COL4A3: variants seen among roughly 807,000 people sequenced by gnomAD.
The protein encoded by COL4A3 is collagen alpha-3(IV) chain.
COL4A3 carries 135 observed loss-of-function variants against 217.4 expected under a neutral mutation model. That is an observed-to-expected ratio of 0.62 (90% CI 0.54 to 0.72). The LOEUF (loss-of-function observed/expected upper bound fraction) is 0.72. COL4A3 is among the 30% of genes least tolerant of loss of function. The pLI, the probability that COL4A3 is intolerant of heterozygous loss-of-function variation, is 0.00. For synonymous variants in COL4A3, 690 were observed against 736.3 expected (o/e 0.94, Z 1.02); for missense variants, 1,868 against 2,119.9 (o/e 0.88, Z 2.33).
chr2:227,246,444 A>C (rs1298068162), intron 6 of COL4A3, among the ~76,000 whole-genome samples: 4 of 152,218 alleles, frequency 2.6e-5, no homozygotes, highest in African/African-American at 9.7e-5. Flanking sequence ...GCAATTAAAA[A>C]GTTCTTGGCG....
chr2:227,233,476 G>T (rs1169386577), intron 1 of COL4A3, among the ~76,000 whole-genome samples: 1 of 152,140 alleles, frequency 6.6e-6, no homozygotes, highest in African/African-American at 2.4e-5. Context: ...TACAGAATTT[G>T]TGAACATCTA....
chr2:227,268,883 T>C (rs914650932), intron 23 of COL4A3: 3 of 152,218 alleles, frequency 2.0e-5, no homozygotes, highest in Non-Finnish European at 4.4e-5. Context: ...CCTCTTTGGC[T>C]CAAGGGGAGC....
At position 227,269,895 on chromosome 2, in the gene COL4A3, T is replaced by C. The variant is rs369323933; in HGVS notation, c.1505-15T>C. 16 of 1,612,610 alleles carry C rather than the reference T, an allele frequency of 9.9e-6. No homozygotes were observed. Among genetic ancestry groups the C allele is most frequent in the Non-Finnish European group, 1.2e-5 (14 of 1,178,902 alleles). ...CGTTCAATGAGGAGTTAGTTAATAATTCGTTGATTTGCAGGAAGACAAGGC... is the reference window on the plus strand; with the variant it reads ...CGTTCAATGAGGAGTTAGTTAATAACTCGTTGATTTGCAGGAAGACAAGGC... On this transcript the variant is annotated splice_polypyrimidine_tract_variant and intron_variant, in intron 23 of 51. Transcript: ENST00000396578.
chr2:227,308,865 A>C, intron 48 of COL4A3, 34 bp from the exon 49 acceptor site: 1 of 1,607,004 alleles, frequency 6.2e-7, no homozygotes, highest in South Asian at 1.1e-5. Context: ...ACTTTAACTT[A>C]CTGAAAGTGA....
At chr2:227,293,468 G>T (rs755839081) in intron 38 of COL4A3, 151 bp downstream of exon 38, 288 of 916,626 alleles carry the variant, frequency 3.1e-4, no homozygotes, top group Non-Finnish European at 4.0e-4. Flanking sequence ...CACACTAAGA[G>T]AATTCATTAA....
intron 50 of COL4A3, among the ~76,000 whole-genome samples, chr2:227,310,293 G>C (rs937062390): frequency 2.0e-5 from 3 of 152,170 alleles, no homozygotes; most frequent in African/African-American, 7.2e-5. Flanking sequence ...TCTTGAGACA[G>C]AATCTCCCTC....
At chr2:227,298,309 G>C (rs565192805) in intron 42 of COL4A3, among the ~76,000 whole-genome samples, 1 of 152,172 alleles carries the variant, frequency 6.6e-6, no homozygotes, top group African/African-American at 2.4e-5. Flanking sequence ...CTGAGATTGC[G>C]CCACTGCACT....
chr2:227,207,740 T>G (rs2067154672), intron 1 of COL4A3, among the ~76,000 whole-genome samples: 1 of 151,714 alleles, frequency 6.6e-6, no homozygotes, highest in Non-Finnish European at 1.5e-5. Context: ...TGAGACAGAG[T>G]TTCACAGCAG....
intron 26 of COL4A3, 71 bp from the exon 27 acceptor site, chr2:227,276,314 C>A (rs1574763737): frequency 1.8e-6 from 2 of 1,116,250 alleles, no homozygotes; most frequent in South Asian, 1.2e-5. Context: ...CCTTTATAAT[C>A]GTATTTTCCG....
chr2:227,202,862 CATA>C lies in COL4A3; in HGVS notation c.88-35105_88-35103del, dbSNP rs1559819714. Among the ~76,000 whole-genome samples the C allele has an allele frequency of 3.3e-3, 57 of 17,208 alleles. 10 individuals carry two copies. The highest frequency in any genetic ancestry group is 5.2e-3 in the Non-Finnish European group (53 of 10,236). 11.3% of individuals were successfully genotyped at this position (17,208 alleles called of 152,430 possible). ...GTATATATACATATGTGTATATATA[CATA>C]TATGTGTATATATACATATGTGTAT... is the stretch of plus-strand genomic sequence containing the variant. On this transcript the variant is annotated intron_variant, in intron 1 of 51. Transcript: ENST00000396578.
chr2:227,187,853 C>T (rs989880126), intron 1 of COL4A3, among the ~76,000 whole-genome samples: 1 of 152,190 alleles, frequency 6.6e-6, no homozygotes, highest in African/African-American at 2.4e-5. Flanking sequence ...TCCATTCCCA[C>T]TACCAAGCAT....
intron 1 of COL4A3, among the ~76,000 whole-genome samples, chr2:227,165,143 G>A (rs1226118337): frequency 6.6e-6 from 1 of 152,120 alleles, no homozygotes; most frequent in Non-Finnish European, 1.5e-5. Context: ...GATGATACGT[G>A]AGAACACCGG....
At position 227,314,518 on chromosome 2, in the gene COL4A3, T is replaced by A. The variant is rs1165419605; in HGVS notation, c.*2648T>A. On this transcript the variant is annotated 3_prime_UTR_variant, in exon 52 of 52. Coordinates refer to ENST00000396578, the MANE Select transcript of COL4A3 (RefSeq NM_000091.5). ...AAGTCTTTCAGCAAGATAAACATTA[T>A]TAAGTAACTTATTTATGAAAGTATT... The A allele has an allele frequency of 2.6e-5, 4 of 152,748 alleles. No homozygotes were observed. In the East Asian group the frequency reaches 7.7e-4, roughly 29 times the overall value. The allele number at this position is 152,748 out of a possible 1,614,324, so 9.5% of individuals were successfully genotyped here.
chr2:227,266,168 G>A (rs984251311), intron 21 of COL4A3, among the ~76,000 whole-genome samples: 1 of 150,598 alleles, frequency 6.6e-6, no homozygotes, highest in Non-Finnish European at 1.5e-5. Flanking sequence ...AAAATAGGTT[G>A]ATTCTGTGAC....
At chr2:227,176,327 G>A (rs927810693) in intron 1 of COL4A3, among the ~76,000 whole-genome samples, 3 of 152,140 alleles carry the variant, frequency 2.0e-5, no homozygotes, top group South Asian at 2.1e-4. Context: ...ACATACCAGC[G>A]TCGGTATTGT....
In COL4A3 at chr2:227,274,499, CT is replaced by C. The variant is rs745900795; in HGVS notation, c.1927+1395del. Among the ~76,000 whole-genome samples, 798 of 140,306 alleles carry C rather than the reference CT, an allele frequency of 5.7e-3. 1 individual carries two copies. Among genetic ancestry groups the C allele is most frequent in the Admixed American group, 8.3e-3 (116 of 13,928 alleles). The allele number at this position is 140,306 out of a possible 152,430, so 92.0% of individuals were successfully genotyped here. ...TTATCTGCACCTTACTTTGGAGCTG[CT>C]TTTTTTTTTTTTGTCTGAGATGGAA... On this transcript the variant is annotated intron_variant, in intron 26 of 51. Coordinates refer to ENST00000396578, the MANE Select transcript of COL4A3 (RefSeq NM_000091.5).
chr2:227,177,164 T>TC (rs1174328403), intron 1 of COL4A3, among the ~76,000 whole-genome samples: 4 of 148,692 alleles, frequency 2.7e-5, no homozygotes, highest in East Asian at 2.0e-4. Context: ...TTTTTTTTTT[T>TC]CTCCAGATGG....
intron 4 of COL4A3, chr2:227,244,695 A>G (rs1377495882): frequency 3.1e-6 from 2 of 653,340 alleles, no homozygotes; most frequent in African/African-American, 3.6e-5. Context: ...ACTTCATTGC[A>G]TGCAAATTGT....
At position 227,237,970 on chromosome 2, in the gene COL4A3, T is replaced by C. The variant is rs988459674; in HGVS notation, c.90T>C (p.Gly30=). ...CCTTTCTCTTTCCCTCTTCCTAGGG[T>C]TGTGTCTGTAAAGACAAAGGCCAGT... The part of the protein sequence containing the change: ...LLAAAPAASK[G]CVCKDKGQCF... Residue 30 remains glycine, a splice_region_variant and synonymous_variant, in exon 2 of 52, where the codon GGT becomes GGC. Transcript: ENST00000396578. 1.2e-5 allele frequency: 19 copies of C among 1,609,284 alleles called. No individual in the cohort carries two copies. The highest frequency in any genetic ancestry group is 2.2e-5 in the South Asian group (2 of 91,030).
Sources: allele counts gnomAD v4.1 joint callset (sites outside exome capture counted in the v4.1 genomes callset), GRCh38; gene constraint gnomAD v4.1.1; transcripts MANE v1.5; gene names NCBI Gene and HGNC (gene_info 2026-07-23, HGNC 2026-07-21).